ANK3: variants seen among roughly 807,000 people sequenced by gnomAD.
ANK3 encodes the protein ankyrin-3.
In ANK3, 57 loss-of-function variants were observed where a neutral mutation model predicts 370.9. The ratio of observed to expected loss-of-function variants is 0.15; its 90% CI spans 0.12 to 0.19. The LOEUF is 0.19. ANK3 is among the 10% of genes least tolerant of loss of function. The pLI, the probability that ANK3 is intolerant of heterozygous loss-of-function variation, is 1.00. For synonymous variants in ANK3, 1,929 were observed against 1,946.3 expected, an observed-to-expected ratio of 0.99 and a Z score of 0.23; for missense variants, 4,439 against 5,302.1, an observed-to-expected ratio of 0.84 and a Z score of 5.06.
chr10:60,662,771 G>A (rs1429296404), intron 1 of ANK3, among the ~76,000 whole-genome samples: 1 of 152,088 alleles, frequency 6.6e-6, no homozygotes, highest in African/African-American at 2.4e-5. Flanking sequence ...AGTATCTAGA[G>A]CCAGGTCTAG....
chr10:60,473,324 C>T (rs1316880362), intron 2 of ANK3, among the ~76,000 whole-genome samples: 1 of 152,114 alleles, frequency 6.6e-6, no homozygotes, highest in East Asian at 1.9e-4. Context: ...TTACAAATAA[C>T]ATCAAGAACT....
rs893975285 is a variant in ANK3 at position 60,389,620 on chromosome 10, C to T, written c.-82G>A. ...CCTCAGGCACCTCTAATCAGGCTTA[C>T]AGCAGCATTCCAATCACTAGAGAGA... On this transcript the variant is annotated 5_prime_UTR_variant, in exon 1 of 44. Transcript: ENST00000280772. 6.4e-7 allele frequency: 1 copy of T among 1,563,830 alleles called. No individual in the cohort carries two copies. Among genetic ancestry groups the T allele is most frequent in the African/African-American group, 1.4e-5 (1 of 72,552 alleles).
intron 1 of ANK3, among the ~76,000 whole-genome samples, chr10:60,368,180 G>A (rs543999935): frequency 1.6e-4 from 24 of 151,812 alleles, no homozygotes; most frequent in Admixed American, 1.4e-3. Context: ...CTAAAAGAAG[G>A]GAAGAGAAAA....
chr10:60,644,231 A>G (rs930349477), intron 1 of ANK3, among the ~76,000 whole-genome samples: 1 of 152,182 alleles, frequency 6.6e-6, no homozygotes. Context: ...GGCATGGTCA[A>G]TCTCTTGATA....
intron 1 of ANK3, among the ~76,000 whole-genome samples, chr10:60,676,087 C>T (rs2079121533): frequency 6.6e-6 from 1 of 152,030 alleles, no homozygotes. Flanking sequence ...ATTATGACTA[C>T]CTCAAAAAGG....
At chr10:60,548,206 CTTTTTTTTTTTTTTTT>C (rs537459971) in intron 2 of ANK3, among the ~76,000 whole-genome samples, 7 of 88,342 alleles carry the variant, frequency 7.9e-5, no homozygotes, top group Non-Finnish European at 1.4e-4. Flanking sequence ...TAAATATTTC[CTTTTTTTTTTTTTTTT>C]TTTTTTTTTT....
At chr10:60,705,898 C>T (rs1179962685) in intron 1 of ANK3, among the ~76,000 whole-genome samples, 1 of 142,614 alleles carries the variant, frequency 7.0e-6, no homozygotes, top group African/African-American at 2.6e-5. Flanking sequence ...TCATGGCTCA[C>T]TGCACCCTCG....
chr10:60,089,666 A>G (rs2087711242), intron 28 of ANK3, among the ~76,000 whole-genome samples: 1 of 152,156 alleles, frequency 6.6e-6, no homozygotes, highest in African/African-American at 2.4e-5. Flanking sequence ...ATATGATATT[A>G]AGATTTACTC....
At chr10:60,667,687 C>T (rs539653576) in intron 1 of ANK3, among the ~76,000 whole-genome samples, 1 of 151,576 alleles carries the variant, frequency 6.6e-6, no homozygotes, top group Admixed American at 6.5e-5. Flanking sequence ...TCCACTCCTT[C>T]CTTTCCTTTC....
intron 2 of ANK3, among the ~76,000 whole-genome samples, chr10:60,436,644 A>G (rs1283704914): frequency 1.3e-5 from 2 of 152,082 alleles, no homozygotes; most frequent in Admixed American, 6.5e-5. Context: ...CTATTTTTCA[A>G]TTTGGTTATT....
chr10:60,330,736 T>C (rs569035044), intron 1 of ANK3, among the ~76,000 whole-genome samples: 15 of 152,304 alleles, frequency 9.8e-5, no homozygotes, highest in Admixed American at 7.2e-4. Flanking sequence ...GAACTAGAAA[T>C]ACTGTTTGAC....
intron 43 of ANK3, among the ~76,000 whole-genome samples, chr10:60,030,506 G>A (rs2073212693): frequency 6.6e-6 from 1 of 152,134 alleles, no homozygotes; most frequent in Non-Finnish European, 1.5e-5. Flanking sequence ...CCAGGATGAA[G>A]GTCACATAAT....
At chr10:60,615,304 C>A in intron 1 of ANK3, 1 of 956,140 alleles carries the variant, frequency 1.0e-6, no homozygotes, top group Non-Finnish European at 1.5e-6. Context: ...TACACATGCA[C>A]ATTATTAATT....
chr10:60,095,501 C>T (rs1377192075), intron 28 of ANK3, among the ~76,000 whole-genome samples: 1 of 152,152 alleles, frequency 6.6e-6, no homozygotes, highest in Non-Finnish European at 1.5e-5. Flanking sequence ...CCACTTCAGC[C>T]TCCTGAGTAG....
intron 26 of ANK3, among the ~76,000 whole-genome samples, chr10:60,110,753 G>C (rs1417142148): frequency 6.6e-6 from 1 of 152,176 alleles, no homozygotes; most frequent in African/African-American, 2.4e-5. Context: ...CCTGCACTTC[G>C]TAGTTGTAAC....
chr10:60,048,721 G>C lies in ANK3; in HGVS notation c.13066-5962C>G, dbSNP rs749160287. On this transcript the variant is annotated intron_variant, in intron 42 of 43. Coordinates refer to ENST00000280772, the MANE Select transcript of ANK3 (RefSeq NM_020987.5). ...AAGGTTGGTTGAGTTTGTGCATGTG[G>C]AATGCCCAGATATGGAGGTCCAATT... Among the ~76,000 whole-genome samples, 174 of 152,226 alleles carry C rather than the reference G, an allele frequency of 1.1e-3. 2 individuals carry two copies. In the East Asian group the frequency reaches 0.033, roughly 29 times the overall value.
chr10:60,155,113 A>C lies in ANK3; in HGVS notation c.2614+11478T>G, dbSNP rs2095288787. On this transcript the variant is annotated intron_variant, in intron 23 of 43. Transcript: ENST00000280772. Reference sequence around the variant, plus strand: ...GCAAGAAAGCACTTCCATAATAACAAAAAAATTAAGTAGCAATCACAATAC... The same window carrying C: ...GCAAGAAAGCACTTCCATAATAACACAAAAATTAAGTAGCAATCACAATAC... Among the ~76,000 whole-genome samples the C allele has an allele frequency of 2.0e-5, 3 of 152,154 alleles. No homozygotes were observed. The South Asian group carries it at 6.2e-4, about 32-fold the overall frequency.
intron 7 of ANK3, among the ~76,000 whole-genome samples, chr10:60,253,901 C>CA (rs1227084697): frequency 2.6e-5 from 4 of 151,850 alleles, no homozygotes; most frequent in African/African-American, 9.7e-5. Context: ...ATTCAAATGC[C>CA]AAAAAAAGTC....
chr10:60,031,614 AAC>A (rs1189270832), intron 43 of ANK3, among the ~76,000 whole-genome samples: 1 of 152,168 alleles, frequency 6.6e-6, no homozygotes, highest in Non-Finnish European at 1.5e-5. Flanking sequence ...CCATATAAAC[AAC>A]AGACTATATT....
Sources: gnomAD v4.1 joint callset for allele counts (sites outside exome capture counted in the v4.1 genomes callset) on GRCh38, gnomAD v4.1.1 for gene constraint, MANE v1.5 for transcripts, NCBI Gene and HGNC (gene_info 2026-07-23, HGNC 2026-07-21) for gene names.